CEP97: variants seen among roughly 807,000 people sequenced by gnomAD.
CEP97 encodes the protein centrosomal protein 97, also known as centrosomal protein of 97 kDa.
A neutral mutation model predicts 73.1 loss-of-function variants in CEP97; 43 were observed. The observed-to-expected ratio is 0.59, with a 90% confidence interval of 0.46 to 0.76. The LOEUF (loss-of-function observed/expected upper bound fraction) is 0.76. Among genes scored for constraint, CEP97 ranks in the 30% least tolerant of loss-of-function variants. The pLI is 0.00. For synonymous variants in CEP97, 337 were observed against 370.0 expected (o/e 0.91, Z 1.02); for missense variants, 939 against 1,014.0 (o/e 0.93, Z 1.00).
chr3:101,757,292 TG>T (rs1464241074), intron 8 of CEP97, 96 bp downstream of exon 8: 1 of 1,404,180 alleles, frequency 7.1e-7, no homozygotes. Flanking sequence ...CATAATTTTT[TG>T]TTAGTTTACT....
chr3:101,740,302 A>G (rs549658244), intron 6 of CEP97, among the ~76,000 whole-genome samples: 1 of 152,328 alleles, frequency 6.6e-6, no homozygotes, highest in South Asian at 2.1e-4. Flanking sequence ...TCAATGTGCA[A>G]AAATCACAAG....
intron 7 of CEP97, among the ~76,000 whole-genome samples, chr3:101,755,835 T>C (rs1032456157): frequency 8.5e-5 from 13 of 152,154 alleles, no homozygotes; most frequent in Admixed American, 2.0e-4. Flanking sequence ...GGTCTCTTGG[T>C]CTGTGAGTAC....
chr3:101,758,242 G>A lies in CEP97; in HGVS notation c.1636G>A (p.Val546Ile). The change falls in exon 9 of 11, where the codon GTT becomes ATT. Residue 546 changes from valine to isoleucine, a missense_variant. Physicochemically the swap from Val to Ile is conservative, Grantham distance 29. Coordinates refer to ENST00000341893, the MANE Select transcript of CEP97 (RefSeq NM_024548.4). ...TCCCATGATTTTAACCCAGAGATCT[G>A]TTGCTTTGGGACAAGACAAAGTTGC... ...KLPMILTQRS[V>I]ALGQDKVALQ... 6.2e-7 allele frequency: 1 copy of A among 1,614,214 alleles called. No homozygotes were observed. Among genetic ancestry groups the A allele is most frequent in the Non-Finnish European group, 8.5e-7 (1 of 1,180,046 alleles).
At chr3:101,734,880 G>T (rs929309221) in intron 6 of CEP97, among the ~76,000 whole-genome samples, 2 of 152,176 alleles carry the variant, frequency 1.3e-5, no homozygotes, top group Non-Finnish European at 2.9e-5. Context: ...GACCCACAAA[G>T]AGAGATGAGA....
Position 101,765,299 on chromosome 3 carries a change from G to A in CEP97, c.2346G>A (p.Leu782=). ...LEQYLTSVQQ[L]EDADERTNFD... ...AGTATTTAACTTCAGTTCAACAGCT[G>A]GAAGATGCTGATGAGAGGACCAATT... Residue 782 remains leucine (L), a synonymous_variant, in exon 11 of 11, where the codon CTG becomes CTA. Coordinates refer to ENST00000341893, the MANE Select transcript of CEP97 (RefSeq NM_024548.4). 6.2e-7 allele frequency: 1 copy of A among 1,614,108 alleles called. No individual in the cohort carries two copies.
Position 101,724,674 on chromosome 3 carries a change from A to G in CEP97, c.-3A>G. On this transcript the variant is annotated 5_prime_UTR_variant, in exon 1 of 11. Coordinates refer to ENST00000341893, the MANE Select transcript of CEP97 (RefSeq NM_024548.4). ...TGCCTGGTATTATTAGCAAGCAGCA[A>G]ATATGGCGGTGGCGCGCGTGGACGC... 6.2e-7 allele frequency: 1 copy of G among 1,614,226 alleles called. No homozygotes were observed. The highest frequency in any genetic ancestry group is 8.5e-7 in the Non-Finnish European group (1 of 1,180,044).
chr3:101,763,265 G>C (rs1576702759), intron 10 of CEP97: 1 of 1,104,076 alleles, frequency 9.1e-7, no homozygotes, highest in East Asian at 6.3e-5. Context: ...GATTTGTAAA[G>C]TTTTGTAGTT....
At chr3:101,764,230 C>G (rs1939247069) in intron 10 of CEP97, among the ~76,000 whole-genome samples, 1 of 152,086 alleles carries the variant, frequency 6.6e-6, no homozygotes, top group Non-Finnish European at 1.5e-5. Flanking sequence ...ACTTGGGAGG[C>G]CAAGGCAGAA....
chr3:101,741,681 A>G (rs1483266999), intron 6 of CEP97, among the ~76,000 whole-genome samples: 1 of 152,202 alleles, frequency 6.6e-6, no homozygotes, highest in Non-Finnish European at 1.5e-5. Flanking sequence ...ACTGGTCATT[A>G]GAGAAATGCA....
At chr3:101,727,752 G>C (rs1937948165) in intron 3 of CEP97, among the ~76,000 whole-genome samples, 1 of 152,090 alleles carries the variant, frequency 6.6e-6, no homozygotes. Context: ...ATTGTACTTA[G>C]AAAAAAGTAG....
In CEP97 at chr3:101,746,447, A is replaced by C. The variant is rs776909512; in HGVS notation, c.729-8983A>C. Among the ~76,000 whole-genome samples the C allele has an allele frequency of 6.9e-3, 1,036 of 151,030 alleles. 4 individuals are homozygous for C. The highest frequency in any genetic ancestry group is 0.012 in the Non-Finnish European group (807 of 67,796). On this transcript the variant is annotated intron_variant, in intron 6 of 10. Transcript: ENST00000341893. ...TGGGGAAAGGATTCCCTATTTAATA[A>C]ATGGTGCTGGGAAAACTGGCTAGCC...
At chr3:101,744,125 C>T (rs979222933) in intron 6 of CEP97, among the ~76,000 whole-genome samples, 3 of 151,976 alleles carry the variant, frequency 2.0e-5, no homozygotes, top group Admixed American at 6.6e-5. Context: ...TCTACTGAAG[C>T]TAAATGTACA....
At chr3:101,746,118 G>A (rs1380457884) in intron 6 of CEP97, among the ~76,000 whole-genome samples, 2 of 152,288 alleles carry the variant, frequency 1.3e-5, no homozygotes, top group Middle Eastern at 3.4e-3. Flanking sequence ...GTATTCCATG[G>A]TGTATATGTG....
At chr3:101,725,003 A>T (rs958736704) in intron 1 of CEP97, among the ~76,000 whole-genome samples, 4 of 152,190 alleles carry the variant, frequency 2.6e-5, no homozygotes, top group Non-Finnish European at 4.4e-5. Flanking sequence ...GAGGCGGTGG[A>T]TTTCGGGCTG....
intron 6 of CEP97, among the ~76,000 whole-genome samples, chr3:101,742,989 A>G (rs1408438909): frequency 1.3e-5 from 2 of 152,228 alleles, no homozygotes; most frequent in East Asian, 3.9e-4. Flanking sequence ...TCACACTTGT[A>G]GTCCCATTAC....
chr3:101,735,465 C>T (rs1007390038), intron 6 of CEP97, among the ~76,000 whole-genome samples: 2 of 152,070 alleles, frequency 1.3e-5, no homozygotes, highest in African/African-American at 2.4e-5. Context: ...GCACAGAAGG[C>T]GGGTGATTTC....
chr3:101,732,667 T>G lies in CEP97; in HGVS notation c.728+13T>G. 1 of 1,587,314 alleles carries G rather than the reference T, an allele frequency of 6.3e-7. No individual in the cohort carries two copies. The highest frequency in any genetic ancestry group is 8.6e-7 in the Non-Finnish European group (1 of 1,161,980). On this transcript the variant is annotated intron_variant, in intron 6 of 10. Transcript: ENST00000341893. ...CTCAGAAGGAAAGGTAAACATGTGCTCTTTAACATCACAAATGTTACTGAA... is the reference window on the plus strand; with the variant it reads ...CTCAGAAGGAAAGGTAAACATGTGCGCTTTAACATCACAAATGTTACTGAA...
intron 6 of CEP97, among the ~76,000 whole-genome samples, chr3:101,735,357 C>T (rs1052916745): frequency 5.9e-5 from 9 of 152,172 alleles, no homozygotes; most frequent in African/African-American, 2.2e-4. Context: ...GGTAGCCTCT[C>T]TCTCTGGGGT....
At chr3:101,749,882 A>T (rs1319656989) in intron 6 of CEP97, among the ~76,000 whole-genome samples, 4 of 144,680 alleles carry the variant, frequency 2.8e-5, no homozygotes, top group Non-Finnish European at 1.5e-5. Flanking sequence ...TTCATTGTAG[A>T]TTCTGGATAT....
Sources: allele counts gnomAD v4.1 joint callset (sites outside exome capture counted in the v4.1 genomes callset), GRCh38; gene constraint gnomAD v4.1.1; transcripts MANE v1.5; gene names NCBI Gene and HGNC (gene_info 2026-07-23, HGNC 2026-07-21).